KDM4C: variants seen among roughly 807,000 people sequenced by gnomAD.
KDM4C encodes lysine demethylase 4C.
Under a neutral mutation model 129.3 loss-of-function variants are expected in KDM4C, and 81 were observed. The observed-to-expected ratio is 0.63, with a 90% CI of 0.52 to 0.75. The LOEUF (loss-of-function observed/expected upper bound fraction) is 0.75, where lower values mean the gene tolerates loss of function less well. Ranked by LOEUF, KDM4C falls within the 30% of genes least tolerant of loss-of-function variation. The probability of loss-of-function intolerance (pLI) is 0.00; values close to 1 mark genes in which losing one functional copy is unlikely to be tolerated. For missense variants in KDM4C, 1,457 were observed against 1,304.0 expected, an observed-to-expected ratio of 1.12 and a Z score of -1.81; for synonymous variants, 573 against 456.1, an observed-to-expected ratio of 1.26 and a Z score of -3.26.
chr9:6,824,805 G>A (rs1833617083), intron 4 of KDM4C, among the ~76,000 whole-genome samples: 1 of 152,014 alleles, frequency 6.6e-6, no homozygotes, highest in African/African-American at 2.4e-5. Flanking sequence ...TTAGTAGGAA[G>A]AGTCACATTA....
At chr9:6,782,322 G>T (rs1330672386) in intron 1 of KDM4C, among the ~76,000 whole-genome samples, 3 of 152,188 alleles carry the variant, frequency 2.0e-5, no homozygotes, top group Non-Finnish European at 2.9e-5. Flanking sequence ...AGGCACCACT[G>T]AGGATAGGAG....
At chr9:6,987,909 C>A (rs1288603626) in intron 11 of KDM4C, among the ~76,000 whole-genome samples, 2 of 151,668 alleles carry the variant, frequency 1.3e-5, no homozygotes, top group Non-Finnish European at 2.9e-5. Flanking sequence ...GTAATCCCTG[C>A]ACTTTGAGAG....
At chr9:6,744,591 C>T (rs1203084155) in intron 1 of KDM4C, among the ~76,000 whole-genome samples, 2 of 152,108 alleles carry the variant, frequency 1.3e-5, no homozygotes, top group African/African-American at 2.4e-5. Context: ...GAGACAGGGT[C>T]TACTATGTTG....
chr9:6,907,089 A>G (rs965854635), intron 8 of KDM4C, among the ~76,000 whole-genome samples: 1 of 152,200 alleles, frequency 6.6e-6, no homozygotes, highest in African/African-American at 2.4e-5. Flanking sequence ...GACTCAATAG[A>G]TTTTTAGAAA....
rs150445584 is a variant in KDM4C at position 6,954,244 on chromosome 9, T to C, written c.922-26681T>C. Reference sequence around the variant, plus strand: ...CTGCCTTTCCCATGCAATATGACTTTCTCCTCTTTTCTCCTGAGACTCTTG... The same window carrying C: ...CTGCCTTTCCCATGCAATATGACTTCCTCCTCTTTTCTCCTGAGACTCTTG... On this transcript the variant is annotated intron_variant, in intron 8 of 21. Coordinates refer to ENST00000381309, the MANE Select transcript of KDM4C (RefSeq NM_015061.6). Among the ~76,000 whole-genome samples the C allele has an allele frequency of 2.1e-4, 32 of 152,282 alleles. No homozygotes were observed. The East Asian group carries it at 6.0e-3, about 28-fold the overall frequency.
intron 5 of KDM4C, among the ~76,000 whole-genome samples, chr9:6,852,113 C>G (rs1311102865): frequency 6.6e-6 from 1 of 151,936 alleles, no homozygotes; most frequent in Non-Finnish European, 1.5e-5. Flanking sequence ...TTATAAATGC[C>G]CCTACAGATA....
At chr9:7,019,718 TATA>T (rs1163721422) in intron 15 of KDM4C, among the ~76,000 whole-genome samples, 5 of 105,546 alleles carry the variant, frequency 4.7e-5, no homozygotes, top group South Asian at 2.7e-4. Flanking sequence ...TATATAAAAA[TATA>T]ATATTTTTAT....
chr9:6,874,519 T>C (rs1843274461), intron 5 of KDM4C, among the ~76,000 whole-genome samples: 1 of 152,262 alleles, frequency 6.6e-6, no homozygotes, highest in Admixed American at 6.5e-5. Context: ...AGTACAAACA[T>C]GTTGCTGTTT....
chr9:6,926,520 T>TGGCTTATAGCAGC (rs1449554698), intron 8 of KDM4C, among the ~76,000 whole-genome samples: 1 of 152,194 alleles, frequency 6.6e-6, no homozygotes, highest in African/African-American at 2.4e-5. Flanking sequence ...AGCAAGCAGT[T>TGGCTTATAGCAGC]ACAGAATAAA....
intron 8 of KDM4C, among the ~76,000 whole-genome samples, chr9:6,956,290 G>A (rs1394946810): frequency 6.6e-6 from 1 of 152,098 alleles, no homozygotes; most frequent in Non-Finnish European, 1.5e-5. Context: ...ATGCTTGAGG[G>A]GATGGATACT....
intron 1 of KDM4C, among the ~76,000 whole-genome samples, chr9:6,739,484 G>T (rs777948775): frequency 4.6e-5 from 7 of 152,006 alleles, no homozygotes; most frequent in Non-Finnish European, 1.0e-4. Flanking sequence ...TTACACTAAG[G>T]CTTCACTCCT....
At position 6,729,359 on chromosome 9, in the gene KDM4C, G is replaced by C. The variant is rs1393113293; in HGVS notation, c.49+8362G>C. Among the ~76,000 whole-genome samples the C allele has an allele frequency of 3.0e-5, 4 of 131,394 alleles. 1 individual carries two copies. Among genetic ancestry groups the C allele is most frequent in the Non-Finnish European group, 6.2e-5 (4 of 64,842 alleles). The allele number at this position is 131,394 out of a possible 152,430, so 86.2% of individuals were successfully genotyped here. ...AGTTCAAGACCAGCCTGGGCAAATG[G>C]TGAAACCCTATCCCTACTAAAAATA... On this transcript the variant is annotated intron_variant, in intron 1 of 17. Transcript: ENST00000536108.
intron 2 of KDM4C, among the ~76,000 whole-genome samples, chr9:6,803,448 T>TGCACTTGGG: frequency 6.6e-6 from 1 of 151,874 alleles, no homozygotes; most frequent in Admixed American, 6.6e-5. Context: ...TGCGCACCTG[T>TGCACTTGGG]AGTCCCAGCT....
intron 17 of KDM4C, among the ~76,000 whole-genome samples, chr9:7,065,594 G>C (rs918089709): frequency 1.3e-5 from 2 of 152,256 alleles, no homozygotes; most frequent in Middle Eastern, 6.8e-3. Flanking sequence ...AGACTAATGA[G>C]CTTTCTGACC....
At chr9:6,853,253 C>T (rs1242251190) in intron 5 of KDM4C, among the ~76,000 whole-genome samples, 1 of 151,756 alleles carries the variant, frequency 6.6e-6, no homozygotes, top group Non-Finnish European at 1.5e-5. Context: ...TTTGGGAGGC[C>T]AAGGTAGGCG....
intron 5 of KDM4C, among the ~76,000 whole-genome samples, chr9:6,857,004 G>A (rs1030383057): frequency 5.9e-5 from 9 of 152,020 alleles, no homozygotes; most frequent in South Asian, 2.1e-4. Flanking sequence ...TGATCCATCC[G>A]CCTCGGCCTC....
intron 4 of KDM4C, among the ~76,000 whole-genome samples, chr9:6,828,943 C>T (rs919806501): frequency 6.6e-6 from 1 of 152,162 alleles, no homozygotes; most frequent in Admixed American, 6.5e-5. Context: ...TTCTCTTTAC[C>T]TCTCAACTGT....
chr9:6,857,440 A>T (rs758474179), intron 5 of KDM4C, among the ~76,000 whole-genome samples: 10 of 152,220 alleles, frequency 6.6e-5, no homozygotes, highest in Non-Finnish European at 1.2e-4. Flanking sequence ...TAAAATATTT[A>T]TTGATCAAGT....
At chr9:7,024,636 A>T (rs1367750380) in intron 15 of KDM4C, among the ~76,000 whole-genome samples, 1 of 152,222 alleles carries the variant, frequency 6.6e-6, no homozygotes, top group African/African-American at 2.4e-5. Flanking sequence ...TTCCAGCTTC[A>T]TCCATGTCCC....
Sources: gnomAD v4.1 joint callset for allele counts (sites outside exome capture counted in the v4.1 genomes callset) on GRCh38, gnomAD v4.1.1 for gene constraint, MANE v1.5 for transcripts, NCBI Gene and HGNC (gene_info 2026-07-23, HGNC 2026-07-21) for gene names.